Variants in ADH7 observed in about 807,000 individuals in gnomAD.
ADH7 encodes the protein all-trans-retinol dehydrogenase [NAD(+)] ADH7.
In ADH7, 41 loss-of-function variants were observed where a neutral mutation model predicts 34.4. The observed-to-expected ratio is 1.19, with a 90% CI of 0.93 to 1.55. ADH7 has a LOEUF of 1.55. ADH7 is among the 40% of genes most tolerant of loss of function. The pLI is 0.00. For missense variants in ADH7, 540 were observed against 461.2 expected, an observed-to-expected ratio of 1.17 and a Z score of -1.56; for synonymous variants, 180 against 160.9, an observed-to-expected ratio of 1.12 and a Z score of -0.90.
At chr4:99,426,753 AC>A (rs1233184856) in intron 5 of ADH7, among the ~76,000 whole-genome samples, 1 of 152,174 alleles carries the variant, frequency 6.6e-6, no homozygotes, top group Admixed American at 6.6e-5. Context: ...TAGAGACACA[AC>A]CAAAAAAGAG....
In ADH7 at chr4:99,420,648, G is replaced by A. The variant is rs772693771; in HGVS notation, c.710C>T (p.Ala237Val). Residue 237 changes from alanine (A) to valine (V), a missense_variant, in exon 6 of 9, where the codon GCC (alanine) becomes GTC (valine). By Grantham distance (64) the Ala-to-Val change is moderately conservative. Coordinates refer to ENST00000437033, the MANE Select transcript of ADH7 (RefSeq NM_000673.7). ...GTCCTTGGGACTGATACACTCAGTG[G>A]CACCTACAGCCATGGCCTTCTCAAA... is the stretch of plus-strand genomic sequence containing the variant. ...DKFEKAMAVG[A>V]TECISPKDST... 1 of 1,613,880 alleles carries A rather than the reference G, an allele frequency of 6.2e-7. No individual in the cohort carries two copies. Among genetic ancestry groups the A allele is most frequent in the Admixed American group, 1.7e-5 (1 of 59,944 alleles).
In ADH7 at chr4:99,415,632, C is replaced by T. The variant is rs949545919; in HGVS notation, c.962-16G>A. On this transcript the variant is annotated splice_polypyrimidine_tract_variant and intron_variant, in intron 7 of 8. Transcript: ENST00000437033. Reference sequence around the variant, plus strand: ...CTTTTCAAACCTGCAAATAAGCACACATTTTCTCTTTAGACATTACTAAAT... The same window carrying T: ...CTTTTCAAACCTGCAAATAAGCACATATTTTCTCTTTAGACATTACTAAAT... 1.2e-6 allele frequency: 2 copies of T among 1,609,988 alleles called. No individual in the cohort carries two copies. The highest frequency in any genetic ancestry group is 1.7e-6 in the Non-Finnish European group (2 of 1,177,986).
intron 5 of ADH7, among the ~76,000 whole-genome samples, chr4:99,424,625 C>T (rs368284249): frequency 3.9e-5 from 6 of 152,022 alleles, no homozygotes; most frequent in Admixed American, 6.6e-5. Flanking sequence ...CTAGGTGTTT[C>T]ATTCTCTTTG....
chr4:99,435,196 G>A lies in ADH7; in HGVS notation c.18+20C>T, dbSNP rs757753888. ...CATCATTAGGTCATGATGAGGAGGGGACAGAAATGTTCCACTTACTTTTCC... is the reference window on the plus strand; with the variant it reads ...CATCATTAGGTCATGATGAGGAGGGAACAGAAATGTTCCACTTACTTTTCC... On this transcript the variant is annotated intron_variant, in intron 1 of 8. Transcript: ENST00000437033. 2 of 1,611,676 alleles carry A rather than the reference G, an allele frequency of 1.2e-6. No homozygotes were observed. The highest frequency in any genetic ancestry group is 2.2e-5 in the East Asian group (1 of 44,746).
intron 1 of ADH7, among the ~76,000 whole-genome samples, chr4:99,432,056 G>A (rs527323482): frequency 4.6e-5 from 7 of 152,188 alleles, no homozygotes; most frequent in African/African-American, 1.7e-4. Context: ...GCAAAGACAT[G>A]GAATCAACCT....
intron 2 of ADH7, 60 bp from the exon 3 acceptor site, chr4:99,428,690 G>A (rs1721874070): frequency 4.5e-6 from 7 of 1,546,124 alleles, no homozygotes; most frequent in Non-Finnish European, 6.1e-6. Flanking sequence ...ACTGTTGGGA[G>A]AATATTTAAC....
intron 8 of ADH7, among the ~76,000 whole-genome samples, 168 bp from the exon 9 acceptor site, chr4:99,413,340 T>C (rs76580560): frequency 6.6e-6 from 1 of 152,234 alleles, no homozygotes; most frequent in Non-Finnish European, 1.5e-5. Context: ...GTTACGCAAC[T>C]CTGATAAGGG....
In ADH7 at chr4:99,417,119, C is replaced by T. The variant is rs138441284; in HGVS notation, c.962-1503G>A. Among the ~76,000 whole-genome samples, 614 of 152,174 alleles carry T rather than the reference C, an allele frequency of 4.0e-3. 44 individuals carry two copies. In the East Asian group the frequency reaches 0.066, roughly 16 times the overall value. On this transcript the variant is annotated intron_variant, in intron 7 of 8. Coordinates refer to ENST00000437033, the MANE Select transcript of ADH7 (RefSeq NM_000673.7). ...TTCTTCCATGCTCTCCCTGCTTGTGCCCTTTGCCCCATTTAGAGTATTCCC... is the reference window on the plus strand; with the variant it reads ...TTCTTCCATGCTCTCCCTGCTTGTGTCCTTTGCCCCATTTAGAGTATTCCC...
At chr4:99,428,787 C>T (rs918720084) in intron 2 of ADH7, among the ~76,000 whole-genome samples, 157 bp from the exon 3 acceptor site, 1 of 152,174 alleles carries the variant, frequency 6.6e-6, no homozygotes, top group Non-Finnish European at 1.5e-5. Context: ...CAAAAATCAA[C>T]CATCAGACAA....
rs763339187 is a variant in ADH7 at position 99,435,273 on chromosome 4, C to CT, written c.-41dup. 1 of 1,612,880 alleles carries CT rather than the reference C, an allele frequency of 6.2e-7. No individual in the cohort carries two copies. Among genetic ancestry groups the CT allele is most frequent in the Non-Finnish European group, 8.5e-7 (1 of 1,179,484 alleles). ...GGATCTGTATTTCTGCAAACATAGA[C>CT]TTTTTCTGACTGATGCTCAGTTCAC... On this transcript the variant is annotated 5_prime_UTR_variant, in exon 1 of 9. Transcript: ENST00000437033.
chr4:99,419,220 A>G (rs1373169734), intron 6 of ADH7, 99 bp from the exon 7 acceptor site: 4 of 1,371,988 alleles, frequency 2.9e-6, no homozygotes, highest in Non-Finnish European at 3.9e-6. Context: ...TCATGAAATT[A>G]AATTAAGCCA....
At position 99,435,125 on chromosome 4, in the gene ADH7, G is replaced by A. The variant is rs774383065; in HGVS notation, c.18+91C>T. On this transcript the variant is annotated intron_variant, in intron 1 of 8. Coordinates refer to ENST00000437033, the MANE Select transcript of ADH7 (RefSeq NM_000673.7). ...TTCATTCCTCAAGGAATATCTCCAA[G>A]TGTTTAATTACTTTAATGGATTCAA... 1.1e-5 allele frequency: 17 copies of A among 1,558,496 alleles called. No homozygotes were observed. The South Asian group carries it at 1.9e-4, about 17-fold the overall frequency.
chr4:99,434,575 A>T (rs887781996), intron 1 of ADH7, among the ~76,000 whole-genome samples: 14 of 151,550 alleles, frequency 9.2e-5, no homozygotes, highest in Admixed American at 6.0e-4. Context: ...ATTTTCAAAT[A>T]AAAAAAAACA....
Position 99,419,086 on chromosome 4 carries a change from C to T in ADH7, c.861G>A (p.Gly287=), listed in dbSNP as rs1213142588. ...GAGGAACTCCTACAACCACGCTGGT[C>T]CCATAGTTCATGTGGCAGGATGCCA... ...DALASCHMNY[G]TSVVVGVPPS... The change falls in exon 7 of 9, where the codon GGG becomes GGA. Residue 287 remains glycine (G), a synonymous_variant. Coordinates refer to ENST00000437033, the MANE Select transcript of ADH7 (RefSeq NM_000673.7). The T allele has an allele frequency of 1.2e-6, 2 of 1,613,804 alleles. No homozygotes were observed. The highest frequency in any genetic ancestry group is 4.5e-5 in the East Asian group (2 of 44,876).
intron 3 of ADH7, 150 bp from the exon 4 acceptor site, chr4:99,428,324 G>A (rs1044152303): frequency 1.8e-5 from 22 of 1,245,282 alleles, no homozygotes; most frequent in Non-Finnish European, 2.2e-5. Context: ...TCTAAAGGTT[G>A]AGGTTTTGCC....
chr4:99,415,679 T>A, intron 7 of ADH7, 63 bp from the exon 8 acceptor site: 1 of 1,511,498 alleles, frequency 6.6e-7, no homozygotes, highest in East Asian at 2.3e-5. Context: ...TTTATTATGT[T>A]ATATTTATTC....
intron 6 of ADH7, among the ~76,000 whole-genome samples, chr4:99,419,851 C>G (rs1174339674): frequency 6.6e-6 from 1 of 152,072 alleles, no homozygotes; most frequent in Non-Finnish European, 1.5e-5. Flanking sequence ...CTTAAATTAC[C>G]AAAAGCATTA....
intron 7 of ADH7, among the ~76,000 whole-genome samples, chr4:99,417,306 C>T (rs1426835615): frequency 6.6e-6 from 1 of 152,166 alleles, no homozygotes; most frequent in Non-Finnish European, 1.5e-5. Flanking sequence ...CCAGCTGTGA[C>T]TGTTCTTCTG....
rs969484948 is a variant in ADH7 at position 99,420,476 on chromosome 4, C to T, written c.825+57G>A. 6.5e-6 allele frequency: 10 copies of T among 1,530,666 alleles called. No homozygotes were observed. In the East Asian group the frequency reaches 1.6e-4, roughly 24 times the overall value. The allele number at this position is 1,530,666 out of a possible 1,614,324, so 94.8% of individuals were successfully genotyped here. ...ATAAAGTTATAGACAATTAAATTTA[C>T]CTTGTGCATGTCTAATAACTTGGGT... On this transcript the variant is annotated intron_variant, in intron 6 of 8. Coordinates refer to ENST00000437033, the MANE Select transcript of ADH7 (RefSeq NM_000673.7).
Sources: gnomAD v4.1 joint callset for allele counts (sites outside exome capture counted in the v4.1 genomes callset) on GRCh38, gnomAD v4.1.1 for gene constraint, MANE v1.5 for transcripts, NCBI Gene and HGNC (gene_info 2026-07-23, HGNC 2026-07-21) for gene names.